The following RELCH variants were observed in gnomAD, a reference collection of about 807,000 sequenced individuals.
The protein encoded by RELCH is RAB11 binding and LisH domain, coiled-coil and HEAT repeat containing.
A neutral mutation model predicts 150.3 loss-of-function variants in RELCH; 41 were observed. The observed-to-expected ratio is 0.27, with a 90% CI of 0.21 to 0.35. The LOEUF is 0.35. Ranked by LOEUF, RELCH falls within the 10% of genes least tolerant of loss-of-function variation. RELCH has a pLI of 1.00. For missense variants in RELCH, 1,092 were observed against 1,467.8 expected, an observed-to-expected ratio of 0.74 and a Z score of 4.18; for synonymous variants, 478 against 531.8, an observed-to-expected ratio of 0.90 and a Z score of 1.39.
At chr18:62,229,485 GGTGTGTGTGTGTGTGTGTGT>G (rs58842870) in intron 8 of RELCH, among the ~76,000 whole-genome samples, 8 of 143,322 alleles carry the variant, frequency 5.6e-5, no homozygotes, top group African/African-American at 2.1e-4. Flanking sequence ...GTATAGTAGG[GGTGTGTGTGTGTGTGTGTGT>G]GTGTGTGTGT....
At chr18:62,249,931 A>G (rs984048091) in intron 11 of RELCH, among the ~76,000 whole-genome samples, 2 of 152,174 alleles carry the variant, frequency 1.3e-5, no homozygotes, top group Non-Finnish European at 2.9e-5. Context: ...AATGAATCTC[A>G]GGCTGCTTTG....
chr18:62,235,845 T>G (rs995769427), intron 10 of RELCH, among the ~76,000 whole-genome samples: 5 of 152,030 alleles, frequency 3.3e-5, no homozygotes, highest in Non-Finnish European at 7.4e-5. Flanking sequence ...TCTAATCATT[T>G]TTTATGGGTT....
rs957260385 is a variant in RELCH at position 62,264,216 on chromosome 18, A to G, written c.2507+71A>G. On this transcript the variant is annotated intron_variant, in intron 17 of 28. Coordinates refer to ENST00000644646, the MANE Select transcript of RELCH (RefSeq NM_001346231.2). ...TATTTAGCCTTGGCCCTAAGAACAA[A>G]ATATAACAAAACTTTTAAAATGTAA... 7.0e-6 allele frequency: 9 copies of G among 1,279,814 alleles called. No homozygotes were observed. In the African/African-American group the frequency reaches 1.4e-4, roughly 20 times the overall value. 79.3% of individuals were successfully genotyped at this position (1,279,814 alleles called of 1,614,324 possible).
chr18:62,291,136 C>G (rs1384362518), intron 26 of RELCH, among the ~76,000 whole-genome samples: 1 of 152,150 alleles, frequency 6.6e-6, no homozygotes, highest in Non-Finnish European at 1.5e-5. Flanking sequence ...AATAGTTAAA[C>G]AGCAATGTTT....
chr18:62,220,481 A>G (rs2040793994), intron 2 of RELCH, among the ~76,000 whole-genome samples: 1 of 151,630 alleles, frequency 6.6e-6, no homozygotes. Flanking sequence ...TATTGAAACC[A>G]TATTCCTTCA....
chr18:62,192,974 G>A (rs2038759261), intron 1 of RELCH, among the ~76,000 whole-genome samples: 1 of 152,236 alleles, frequency 6.6e-6, no homozygotes, highest in Admixed American at 6.5e-5. Context: ...ACTTTGGGCA[G>A]TATAGCCATT....
intron 10 of RELCH, among the ~76,000 whole-genome samples, chr18:62,241,829 A>T (rs1414368046): frequency 6.6e-6 from 1 of 152,204 alleles, no homozygotes; most frequent in Non-Finnish European, 1.5e-5. Context: ...TTAGTGTTTC[A>T]GAGGCTTGAA....
Position 62,274,100 on chromosome 18 carries a change from G to T in RELCH, c.2867+14G>T, listed in dbSNP as rs1265279450. 6.5e-7 allele frequency: 1 copy of T among 1,544,826 alleles called. No homozygotes were observed. The highest frequency in any genetic ancestry group is 1.1e-5 in the South Asian group (1 of 89,014). On this transcript the variant is annotated intron_variant, in intron 21 of 28. Transcript: ENST00000644646. ...TGTGGAATTGGGGTAAGAAATAACA[G>T]CTTATAGTTTGCTAAAAGGCATATA...
At chr18:62,295,276 C>T (rs896297343) in intron 27 of RELCH, among the ~76,000 whole-genome samples, 7 of 149,752 alleles carry the variant, frequency 4.7e-5, no homozygotes, top group Admixed American at 2.0e-4. Context: ...CCTTTCAACA[C>T]GCTGGGACTA....
chr18:62,252,996 G>A (rs1177507173), intron 12 of RELCH, among the ~76,000 whole-genome samples: 1 of 152,126 alleles, frequency 6.6e-6, no homozygotes, highest in Non-Finnish European at 1.5e-5. Context: ...GTAGTCACTA[G>A]GGATACAGTG....
At chr18:62,216,642 A>G (rs1388120159) in intron 2 of RELCH, among the ~76,000 whole-genome samples, 2 of 151,956 alleles carry the variant, frequency 1.3e-5, no homozygotes, top group Non-Finnish European at 2.9e-5. Flanking sequence ...GCATTATGCT[A>G]CTCTTGGAAC....
chr18:62,302,991 T>TA (rs1213908040), intron 28 of RELCH, among the ~76,000 whole-genome samples: 1 of 152,178 alleles, frequency 6.6e-6, no homozygotes, highest in African/African-American at 2.4e-5. Context: ...TAACTCTTTT[T>TA]AAAAAATTAT....
chr18:62,187,357 T>C lies in RELCH; in HGVS notation c.-149T>C. 1 of 661,496 alleles carries C rather than the reference T, an allele frequency of 1.5e-6. No individual in the cohort carries two copies. The highest frequency in any genetic ancestry group is 2.4e-6 in the Non-Finnish European group (1 of 418,474). 41.0% of individuals were successfully genotyped at this position (661,496 alleles called of 1,614,324 possible). On this transcript the variant is annotated 5_prime_UTR_variant, in exon 1 of 29. Transcript: ENST00000644646. ...GCAGCTGCATCCGGATCTCCTGCCT[T>C]GGAGCGTACTCCTTGTCTCTAAGTC...
chr18:62,237,942 TAAC>T (rs1265201994), intron 10 of RELCH, among the ~76,000 whole-genome samples: 1 of 151,788 alleles, frequency 6.6e-6, no homozygotes, highest in African/African-American at 2.4e-5. Flanking sequence ...AAGAAAAAAG[TAAC>T]AACTTTACTC....
chr18:62,205,762 C>T (rs745621239), intron 1 of RELCH, among the ~76,000 whole-genome samples: 8 of 152,168 alleles, frequency 5.3e-5, no homozygotes, highest in Admixed American at 3.3e-4. Context: ...TGGTGGCTCT[C>T]GCCTATAATC....
chr18:62,236,471 C>A lies in RELCH; in HGVS notation c.1620+4044C>A, dbSNP rs947948946. ...GGTTTTGGTATTGGGCTAAGGCTGG[C>A]TTGATAGGGTATAGGAACTCTTCAG... On this transcript the variant is annotated intron_variant, in intron 10 of 28. Transcript: ENST00000644646. Among the ~76,000 whole-genome samples the A allele has an allele frequency of 2.0e-5, 3 of 151,890 alleles. No individual in the cohort carries two copies. The East Asian group carries it at 5.8e-4, about 29-fold the overall frequency.
intron 20 of RELCH, chr18:62,269,535 A>G (rs546695865): frequency 4.2e-6 from 1 of 240,746 alleles, no homozygotes; most frequent in African/African-American, 2.3e-5. Flanking sequence ...AATATTTTAA[A>G]TAATTTTGTG....
rs141496939 is a variant in RELCH, at chr18:62,211,945, T to C, written c.616+703T>C. On this transcript the variant is annotated intron_variant, in intron 2 of 28. Coordinates refer to ENST00000644646, the MANE Select transcript of RELCH (RefSeq NM_001346231.2). Reference sequence around the variant, plus strand: ...AAAGAGGGTTAAAGAGGGTTAATGATTGGTCCAGTAAGGGCCTCCAGGACA... The same window carrying C: ...AAAGAGGGTTAAAGAGGGTTAATGACTGGTCCAGTAAGGGCCTCCAGGACA... 9.8e-3 allele frequency among the ~76,000 whole-genome samples: 1,498 copies of C among 152,264 alleles called. 31 individuals carry two copies. The highest frequency in any genetic ancestry group is 0.043 in the Admixed American group (650 of 15,292).
chr18:62,293,313 A>G (rs1378516275), intron 27 of RELCH, among the ~76,000 whole-genome samples: 2 of 152,210 alleles, frequency 1.3e-5, no homozygotes, highest in African/African-American at 4.8e-5. Context: ...TGGCAAGTCC[A>G]AAATATGTAG....
Sources: allele counts gnomAD v4.1 joint callset (sites outside exome capture counted in the v4.1 genomes callset), GRCh38; gene constraint gnomAD v4.1.1; transcripts MANE v1.5; gene names NCBI Gene and HGNC (gene_info 2026-07-23, HGNC 2026-07-21).